RALYL: variants seen among roughly 807,000 people sequenced by gnomAD.
RALYL encodes the protein RALY RNA binding protein like, also known as RNA-binding Raly-like protein.
A neutral mutation model predicts 35.1 loss-of-function variants in RALYL; 29 were observed. The observed-to-expected ratio is 0.83, with a 90% CI of 0.61 to 1.13. The LOEUF (loss-of-function observed/expected upper bound fraction) is 1.13, where lower values mean the gene tolerates loss of function less well. Ranked by LOEUF, RALYL falls within the 50% of genes most tolerant of loss-of-function variation. The pLI, the probability that RALYL is intolerant of heterozygous loss-of-function variation, is 0.00. For missense variants in RALYL, 359 were observed against 360.4 expected (o/e 1.00, Z 0.03); for synonymous variants, 120 against 127.6 (o/e 0.94, Z 0.40).
chr8:84,705,662 T>C (rs1841075097), intron 2 of RALYL, among the ~76,000 whole-genome samples: 1 of 152,230 alleles, frequency 6.6e-6, no homozygotes, highest in Non-Finnish European at 1.5e-5. Flanking sequence ...ACAAGGTTTT[T>C]ATATTTAGAT....
chr8:84,730,056 C>T (rs1845838261), intron 2 of RALYL, among the ~76,000 whole-genome samples: 1 of 152,150 alleles, frequency 6.6e-6, no homozygotes, highest in South Asian at 2.1e-4. Context: ...CATCCTGATA[C>T]CAAAGCTGGG....
chr8:84,341,159 T>TG (rs957216589), intron 1 of RALYL, among the ~76,000 whole-genome samples: 1 of 17,902 alleles, frequency 5.6e-5, no homozygotes, highest in Non-Finnish European at 1.6e-4. Flanking sequence ...AACCAGGTGA[T>TG]TTTTTTTTTT....
intron 7 of RALYL, among the ~76,000 whole-genome samples, chr8:84,883,384 T>G (rs1842467696): frequency 6.6e-6 from 1 of 152,002 alleles, no homozygotes; most frequent in Non-Finnish European, 1.5e-5. Flanking sequence ...TACCCAAGAC[T>G]GGGTAACTTA....
At chr8:84,913,070 A>AGAT (rs1257541517) in intron 8 of RALYL, among the ~76,000 whole-genome samples, 4 of 151,810 alleles carry the variant, frequency 2.6e-5, no homozygotes, top group Non-Finnish European at 5.9e-5. Context: ...ATAGATAGAT[A>AGAT]GATAGATAGA....
At chr8:84,359,870 A>T (rs1360860981) in intron 1 of RALYL, among the ~76,000 whole-genome samples, 4 of 150,604 alleles carry the variant, frequency 2.7e-5, no homozygotes, top group Non-Finnish European at 5.9e-5. Context: ...AATACAATTA[A>T]AAATATCATG....
chr8:84,428,006 A>G (rs973407076), intron 1 of RALYL, among the ~76,000 whole-genome samples: 2 of 152,050 alleles, frequency 1.3e-5, no homozygotes, highest in African/African-American at 4.8e-5. Flanking sequence ...TACCTGTAAA[A>G]TAAAGATTGC....
intron 2 of RALYL, among the ~76,000 whole-genome samples, chr8:84,721,829 T>A (rs902179733): frequency 3.9e-5 from 6 of 152,156 alleles, no homozygotes; most frequent in Admixed American, 3.3e-4. Flanking sequence ...TTTGGGGATA[T>A]GATTAGAATG....
chr8:84,775,938 A>G (rs950540808), intron 3 of RALYL, among the ~76,000 whole-genome samples: 1 of 152,104 alleles, frequency 6.6e-6, no homozygotes, highest in Non-Finnish European at 1.5e-5. Context: ...GATATAGCCA[A>G]TTGTTCCAGG....
chr8:84,894,153 T>C (rs1844345184), intron 8 of RALYL, among the ~76,000 whole-genome samples: 1 of 152,098 alleles, frequency 6.6e-6, no homozygotes, highest in South Asian at 2.1e-4. Context: ...TTCTTGGTCT[T>C]TCTTTATAAG....
intron 2 of RALYL, among the ~76,000 whole-genome samples, chr8:84,609,253 A>G (rs1817789682): frequency 6.6e-6 from 1 of 152,174 alleles, no homozygotes; most frequent in African/African-American, 2.4e-5. Flanking sequence ...AAGGGGTCTG[A>G]GTTTAATTCT....
chr8:84,875,120 T>A lies in RALYL; in HGVS notation c.685+1723T>A, dbSNP rs118018570. Reference sequence around the variant, plus strand: ...ATAAAAAAAATAGATTTTAGAAAGTTTTTAACATGCTGTCTATGGCACTGA... The same window carrying A: ...ATAAAAAAAATAGATTTTAGAAAGTATTTAACATGCTGTCTATGGCACTGA... On this transcript the variant is annotated intron_variant, in intron 7 of 8. Coordinates refer to ENST00000521268, the MANE Select transcript of RALYL (RefSeq NM_173848.7). 1.4e-3 allele frequency among the ~76,000 whole-genome samples: 214 copies of A among 152,000 alleles called. No individual in the cohort carries two copies. The East Asian group carries it at 0.016, about 11-fold the overall frequency.
intron 1 of RALYL, among the ~76,000 whole-genome samples, chr8:84,377,435 T>G (rs1165354927): frequency 6.8e-6 from 1 of 146,404 alleles, no homozygotes; most frequent in South Asian, 2.2e-4. Flanking sequence ...TGAGGAGATA[T>G]CATCAAAGGT....
intron 1 of RALYL, among the ~76,000 whole-genome samples, chr8:84,272,166 C>T (rs1834430419): frequency 1.3e-5 from 2 of 152,026 alleles, no homozygotes; most frequent in South Asian, 4.1e-4. Flanking sequence ...GATCTCAGCT[C>T]ACTGCAACCT....
At position 84,912,605 on chromosome 8, in the gene RALYL, G is replaced by A. The variant is rs543443180; in HGVS notation, c.859-8289G>A. Among the ~76,000 whole-genome samples, 19 of 152,086 alleles carry A rather than the reference G, an allele frequency of 1.2e-4. No homozygotes were observed. The South Asian group carries it at 3.7e-3, about 30-fold the overall frequency. On this transcript the variant is annotated intron_variant, in intron 8 of 8. Transcript: ENST00000521268. ...CAAAACAGTGCAAAAGATGCTTGCC[G>A]CCATTGGCTTCCTAACGCTCATTTG...
chr8:84,908,923 G>T (rs868705144), intron 8 of RALYL, among the ~76,000 whole-genome samples: 1 of 151,140 alleles, frequency 6.6e-6, no homozygotes, highest in Non-Finnish European at 1.5e-5. Flanking sequence ...CATGCAGATC[G>T]ACTTGTTATA....
chr8:84,429,923 T>C lies in RALYL; in HGVS notation c.-23-99376T>C, dbSNP rs111451880. ...TTACCTTCAGATAACTTATACGTAT[T>C]GCCCCTCTGCCCAGTTTTTGCATTT... On this transcript the variant is annotated intron_variant, in intron 1 of 8. Coordinates refer to ENST00000521268, the MANE Select transcript of RALYL (RefSeq NM_173848.7). Among the ~76,000 whole-genome samples the C allele has an allele frequency of 9.0e-3, 1,375 of 152,060 alleles. 30 individuals carry two copies. The highest frequency in any genetic ancestry group is 0.031 in the African/African-American group (1,280 of 41,486).
intron 1 of RALYL, among the ~76,000 whole-genome samples, chr8:84,250,427 A>G (rs536958260): frequency 1.3e-5 from 2 of 151,920 alleles, no homozygotes; most frequent in South Asian, 4.2e-4. Flanking sequence ...GTGCAGTGGC[A>G]TGATCTCAGC....
chr8:84,186,155 A>G (rs1812470710), intron 1 of RALYL, among the ~76,000 whole-genome samples: 1 of 152,218 alleles, frequency 6.6e-6, no homozygotes, highest in African/African-American at 2.4e-5. Flanking sequence ...TAAAGAAGAT[A>G]GTTTATGTCA....
At chr8:84,862,787 C>T (rs1402628979) in intron 6 of RALYL, among the ~76,000 whole-genome samples, 2 of 152,136 alleles carry the variant, frequency 1.3e-5, no homozygotes, top group African/African-American at 4.8e-5. Flanking sequence ...AATAATTTTA[C>T]TTCCAAAGGG....
Sources: allele counts gnomAD v4.1 joint callset (sites outside exome capture counted in the v4.1 genomes callset), GRCh38; gene constraint gnomAD v4.1.1; transcripts MANE v1.5; gene names NCBI Gene and HGNC (gene_info 2026-07-23, HGNC 2026-07-21).